The following LY86 variants were observed in gnomAD, a reference collection of about 807,000 sequenced individuals.
LY86 encodes the protein MD-1, RP105-associated.
LY86 carries 20 observed loss-of-function variants against 17.3 expected under a neutral mutation model. That is an observed-to-expected ratio of 1.15 (90% confidence interval 0.81 to 1.68). The LOEUF is 1.68. Ranked by LOEUF, LY86 falls within the 40% of genes most tolerant of loss-of-function variation. The pLI, the probability that LY86 is intolerant of heterozygous loss-of-function variation, is 0.00. For missense variants in LY86, 200 were observed against 191.9 expected (o/e 1.04, Z -0.25); for synonymous variants, 74 against 70.6 (o/e 1.05, Z -0.24).
At chr6:6,606,474 C>T (rs1761153008) in intron 1 of LY86, among the ~76,000 whole-genome samples, 2 of 152,236 alleles carry the variant, frequency 1.3e-5, no homozygotes, top group South Asian at 2.1e-4. Context: ...CGCACCCGCA[C>T]TCCTCAGCCC....
intron 1 of LY86, among the ~76,000 whole-genome samples, chr6:6,601,379 G>C (rs1342005230): frequency 1.6e-5 from 1 of 61,354 alleles, no homozygotes; most frequent in East Asian, 5.2e-4. Flanking sequence ...TCATGGAAAG[G>C]GCAGATGATG....
At chr6:6,605,247 T>C (rs986155544) in intron 1 of LY86, among the ~76,000 whole-genome samples, 3 of 151,560 alleles carry the variant, frequency 2.0e-5, no homozygotes, top group Non-Finnish European at 2.9e-5. Flanking sequence ...AATTTGGCAG[T>C]TAAAAACAAT....
In LY86 at chr6:6,603,521, A is replaced by G. The variant is rs185931989; in HGVS notation, c.136+14651A>G. ...CTTTTAAATATATAGCTGAGCTTGC[A>G]ATAAAAAAAATAGCAACAACAACAA... is the stretch of plus-strand genomic sequence containing the variant. On this transcript the variant is annotated intron_variant, in intron 1 of 4. Coordinates refer to ENST00000230568, the MANE Select transcript of LY86 (RefSeq NM_004271.4). 3.9e-3 allele frequency among the ~76,000 whole-genome samples: 589 copies of G among 151,188 alleles called. 1 individual carries two copies. The highest frequency in any genetic ancestry group is 0.02 in the Middle Eastern group (6 of 294).
At position 6,606,836 on chromosome 6, in the gene LY86, C is replaced by G. The variant is rs9504870; in HGVS notation, c.136+17966C>G. 2.0e-5 allele frequency among the ~76,000 whole-genome samples: 3 copies of G among 152,226 alleles called. No homozygotes were observed. In the East Asian group the frequency reaches 5.8e-4, roughly 29 times the overall value. On this transcript the variant is annotated intron_variant, in intron 1 of 4. Transcript: ENST00000230568. ...CACACCACCCCGCAAGCTGAGGGAG[C>G]GGGCTCCGGCCTTGGCCAGCCCAGA...
At position 6,604,925 on chromosome 6, in the gene LY86, AAG is replaced by A. The variant is rs367899256; in HGVS notation, c.136+16059_136+16060del. On this transcript the variant is annotated intron_variant, in intron 1 of 4. Transcript: ENST00000230568. ...TGGCTCCAGCAATACTCTCATAGAA[AAG>A]AGAAAATAACAATCAACGTAGAACC... 1.6e-3 allele frequency among the ~76,000 whole-genome samples: 245 copies of A among 152,342 alleles called. 1 individual carries two copies. The highest frequency in any genetic ancestry group is 9.3e-3 in the South Asian group (45 of 4,826).
At chr6:6,597,420 A>G (rs115826477) in intron 1 of LY86, among the ~76,000 whole-genome samples, 3,342 of 152,272 alleles carry the variant, frequency 0.022, 62 homozygotes, top group Admixed American at 0.04. Context: ...TGCTTCCTCC[A>G]AAACCTGAAC....
chr6:6,627,101 T>C (rs1761803731), intron 3 of LY86, among the ~76,000 whole-genome samples: 1 of 152,134 alleles, frequency 6.6e-6, no homozygotes, highest in East Asian at 1.9e-4. Context: ...GGTTAAAACC[T>C]GGCTCTATTC....
chr6:6,602,698 G>A (rs1337580757), intron 1 of LY86, among the ~76,000 whole-genome samples: 1 of 152,140 alleles, frequency 6.6e-6, no homozygotes, highest in Non-Finnish European at 1.5e-5. Context: ...TGTGAAACAT[G>A]CCTTAGAGAT....
At chr6:6,634,596 A>G (rs561273562) in intron 3 of LY86, among the ~76,000 whole-genome samples, 4 of 152,246 alleles carry the variant, frequency 2.6e-5, no homozygotes, top group Admixed American at 6.5e-5. Context: ...CTTCCTTTTC[A>G]TTACGTTTCT....
intron 3 of LY86, among the ~76,000 whole-genome samples, chr6:6,644,471 C>T (rs371821941): frequency 5.3e-5 from 8 of 151,946 alleles, no homozygotes; most frequent in African/African-American, 1.9e-4. Context: ...TTGCAATGAA[C>T]CGAGATTGCA....
At chr6:6,603,603 C>CAACAAAAAAAAAAAAA (rs1207511602) in intron 1 of LY86, among the ~76,000 whole-genome samples, 3 of 70,464 alleles carry the variant, frequency 4.3e-5, no homozygotes, top group Non-Finnish European at 9.6e-5. Context: ...AAAACAGAAA[C>CAACAAAAAAAAAAAAA]AGAAAAAAAA....
At position 6,611,901 on chromosome 6, in the gene LY86, A is replaced by T. The variant is rs770980969; in HGVS notation, c.137-13025A>T. Among the ~76,000 whole-genome samples, 70 of 152,358 alleles carry T rather than the reference A, an allele frequency of 4.6e-4. 1 individual carries two copies. Among genetic ancestry groups the T allele is most frequent in the Non-Finnish European group, 6.2e-4 (42 of 68,026 alleles). On this transcript the variant is annotated intron_variant, in intron 1 of 4. Coordinates refer to ENST00000230568, the MANE Select transcript of LY86 (RefSeq NM_004271.4). ...TGCACCTACCAAAAATAAGAAAAAA[A>T]TCAGACTGCTGCTGTGTTCTGCCAG...
chr6:6,592,947 G>A (rs1407540348), intron 1 of LY86, among the ~76,000 whole-genome samples: 1 of 152,238 alleles, frequency 6.6e-6, no homozygotes, highest in Non-Finnish European at 1.5e-5. Flanking sequence ...AGAGCAGCAT[G>A]AGAGGTAAGA....
chr6:6,592,751 A>G (rs1073897), intron 1 of LY86, among the ~76,000 whole-genome samples: 109,465 of 152,098 alleles, frequency 0.72, 39,394 homozygotes, highest in East Asian at 0.84. Flanking sequence ...TCTGTAAACC[A>G]GGAAGCGAGC....
At chr6:6,610,971 T>C (rs1561782400) in intron 1 of LY86, among the ~76,000 whole-genome samples, 1 of 152,200 alleles carries the variant, frequency 6.6e-6, no homozygotes, top group African/African-American at 2.4e-5. Flanking sequence ...GACAGAAGTC[T>C]ACCTTTCTGA....
intron 1 of LY86, among the ~76,000 whole-genome samples, chr6:6,616,973 C>G (rs1319986982): frequency 6.6e-6 from 1 of 152,230 alleles, no homozygotes; most frequent in Non-Finnish European, 1.5e-5. Flanking sequence ...AAGCCAGGCT[C>G]TCCCTTAGAA....
At chr6:6,632,593 C>G (rs1411450803) in intron 3 of LY86, among the ~76,000 whole-genome samples, 4 of 152,160 alleles carry the variant, frequency 2.6e-5, no homozygotes, top group Admixed American at 2.0e-4. Flanking sequence ...CACCATAGAG[C>G]CAGAGGAGCA....
At chr6:6,633,264 T>C (rs757919261) in intron 3 of LY86, among the ~76,000 whole-genome samples, 4 of 152,182 alleles carry the variant, frequency 2.6e-5, no homozygotes, top group Non-Finnish European at 4.4e-5. Context: ...GAATATATTG[T>C]GTAGGGCCGT....
chr6:6,598,267 C>A (rs1760781443), intron 1 of LY86, among the ~76,000 whole-genome samples: 1 of 152,252 alleles, frequency 6.6e-6, no homozygotes, highest in East Asian at 1.9e-4. Flanking sequence ...AGACAAAGCA[C>A]AAATTATCAC....
Sources: gnomAD v4.1 joint callset for allele counts (sites outside exome capture counted in the v4.1 genomes callset) on GRCh38, gnomAD v4.1.1 for gene constraint, MANE v1.5 for transcripts, NCBI Gene and HGNC (gene_info 2026-07-23, HGNC 2026-07-21) for gene names.